INO80C: variants seen among roughly 807,000 people sequenced by gnomAD.
The protein encoded by INO80C is INO80 complex subunit C.
In INO80C, 17 loss-of-function variants were observed where a neutral mutation model predicts 17.7. The observed-to-expected ratio is 0.96, with a 90% CI of 0.66 to 1.44. The LOEUF is 1.44. Ranked by LOEUF, INO80C falls within the 40% of genes most tolerant of loss-of-function variation. The pLI, the probability that INO80C is intolerant of heterozygous loss-of-function variation, is 0.00. For missense variants in INO80C, 244 were observed against 245.0 expected, an observed-to-expected ratio of 1.00 and a Z score of 0.03; for synonymous variants, 96 against 95.8, an observed-to-expected ratio of 1.00 and a Z score of -0.01.
chr18:35,475,121 A>C (rs2045719726), intron 4 of INO80C, among the ~76,000 whole-genome samples: 1 of 132,518 alleles, frequency 7.5e-6, no homozygotes, highest in Admixed American at 8.0e-5. Flanking sequence ...TAATACCCTG[A>C]GTCATATTCA....
chr18:35,474,156 T>C (rs960456320), intron 4 of INO80C, among the ~76,000 whole-genome samples: 1 of 120,200 alleles, frequency 8.3e-6, no homozygotes, highest in African/African-American at 3.1e-5. Flanking sequence ...GGACTTAAAA[T>C]ATACATATAT....
chr18:35,479,471 T>A (rs2045779026), intron 2 of INO80C, 60 bp from the exon 3 acceptor site: 1 of 1,026,856 alleles, frequency 9.7e-7, no homozygotes, highest in Non-Finnish European at 1.5e-6. Flanking sequence ...CATTTCGACA[T>A]CTGACATTTA....
chr18:35,471,871 T>C (rs954559279), intron 4 of INO80C, among the ~76,000 whole-genome samples: 10 of 152,068 alleles, frequency 6.6e-5, no homozygotes, highest in African/African-American at 9.7e-5. Context: ...TTTGTCCTTG[T>C]GATAGTTTGC....
At chr18:35,473,124 C>T (rs2045690432) in intron 4 of INO80C, among the ~76,000 whole-genome samples, 1 of 152,192 alleles carries the variant, frequency 6.6e-6, no homozygotes, top group Non-Finnish European at 1.5e-5. Context: ...AGCTGACATT[C>T]TGAGGAACCA....
In INO80C at chr18:35,484,950, G is replaced by A. The variant is rs189865928; in HGVS notation, c.157-4387C>T. Among the ~76,000 whole-genome samples the A allele has an allele frequency of 3.9e-4, 60 of 152,306 alleles. 1 individual carries two copies. The Middle Eastern group carries it at 0.01, about 26-fold the overall frequency. ...ATACCATAGATTGGGTGGCTTATAT[G>A]ATAGAAATTTATTTTCTCCAGTTCT... On this transcript the variant is annotated intron_variant, in intron 1 of 4. Transcript: ENST00000334598.
intron 4 of INO80C, among the ~76,000 whole-genome samples, chr18:35,475,747 T>C (rs1175204720): frequency 6.6e-6 from 1 of 151,746 alleles, no homozygotes; most frequent in Non-Finnish European, 1.5e-5. Flanking sequence ...TAGTAGCAAA[T>C]CTACTTTATA....
At chr18:35,490,688 C>T (rs758968340) in intron 1 of INO80C, among the ~76,000 whole-genome samples, 7 of 152,186 alleles carry the variant, frequency 4.6e-5, no homozygotes, top group Non-Finnish European at 1.0e-4. Context: ...AGGGTCCTAT[C>T]CTCAGGCAGT....
At chr18:35,470,363 G>A (rs1010047296) in intron 4 of INO80C, among the ~76,000 whole-genome samples, 2 of 132,458 alleles carry the variant, frequency 1.5e-5, no homozygotes, top group East Asian at 4.9e-4. Flanking sequence ...ATAAAACTTC[G>A]ATCCCTTGGC....
At position 35,476,762 on chromosome 18, in the gene INO80C, A is replaced by AG. The variant is rs145565768; in HGVS notation, c.447+1519dup. Among the ~76,000 whole-genome samples the AG allele has an allele frequency of 5.2e-3, 785 of 152,272 alleles. 4 individuals are homozygous for AG. The highest frequency in any genetic ancestry group is 0.018 in the African/African-American group (765 of 41,542). On this transcript the variant is annotated intron_variant, in intron 4 of 4. Transcript: ENST00000334598. ...ACGTCTTTAATCCCAGCACTTTGAG[A>AG]GGCTGATGTTGGGAGATCACTTGAG...
Position 35,478,354 on chromosome 18 carries a change from G to GAAAA in INO80C, c.380-9_380-6dup, listed in dbSNP as rs369208692. 3.0e-5 allele frequency: 38 copies of GAAAA among 1,279,604 alleles called. No individual in the cohort carries two copies. The highest frequency in any genetic ancestry group is 1.3e-4 in the South Asian group (9 of 67,952). The allele number at this position is 1,279,604 out of a possible 1,614,324, so 79.3% of individuals were successfully genotyped here. On this transcript the variant is annotated splice_region_variant and splice_polypyrimidine_tract_variant and intron_variant, in intron 3 of 4. Transcript: ENST00000334598. Reference sequence around the variant, plus strand: ...GAGGAGCATCAATACTGAAGTCTGGGAAAAAAAAAAAAAAAAGATAACTAA... The same window carrying GAAAA: ...GAGGAGCATCAATACTGAAGTCTGGGAAAAAAAAAAAAAAAAAAAAGATAACTAA...
rs146605872 is a variant in INO80C at position 35,480,466 on chromosome 18, T to A, written c.254A>T (p.Asp85Val). 6.2e-7 allele frequency: 1 copy of A among 1,611,858 alleles called. No individual in the cohort carries two copies. The highest frequency in any genetic ancestry group is 8.5e-7 in the Non-Finnish European group (1 of 1,177,966). The change falls in exon 2 of 5, where the codon GAT becomes GTT. Residue 85 changes from aspartate (D) to valine (V), a missense_variant. Transcript: ENST00000334598. ...TTCGATGCTTACCACAAAGTTGGGA[T>A]CCTTAAATGGCAAAGGTTTGGCAGC... ...EKAAKPLPFK[D>V]PNFVHSGHGG...
chr18:35,487,402 G>A, intron 1 of INO80C: 1 of 399,676 alleles, frequency 2.5e-6, no homozygotes, highest in Non-Finnish European at 4.9e-6. Flanking sequence ...ACGCGGCTGG[G>A]GAGGCCTCAC....
chr18:35,479,099 A>G, intron 3 of INO80C: 1 of 475,806 alleles, frequency 2.1e-6, no homozygotes, highest in South Asian at 3.4e-5. Flanking sequence ...CACATCCATG[A>G]CAACACAAAC....
chr18:35,494,284 G>A (rs2045958011), intron 1 of INO80C, among the ~76,000 whole-genome samples: 1 of 152,190 alleles, frequency 6.6e-6, no homozygotes, highest in Non-Finnish European at 1.5e-5. Flanking sequence ...CCCCTGGTGT[G>A]CACACAATTT....
At chr18:35,493,302 C>T (rs1019298252) in intron 1 of INO80C, among the ~76,000 whole-genome samples, 3 of 152,142 alleles carry the variant, frequency 2.0e-5, no homozygotes, top group African/African-American at 7.2e-5. Flanking sequence ...TTCCCCAACC[C>T]ACCAAAATTA....
At position 35,468,529 on chromosome 18, in the gene INO80C, C is replaced by T. The variant is rs1567975711; in HGVS notation, c.*82G>A. The T allele has an allele frequency of 6.3e-6, 10 of 1,593,634 alleles. No individual in the cohort carries two copies. Among genetic ancestry groups the T allele is most frequent in the African/African-American group, 5.4e-5 (4 of 74,222 alleles). On this transcript the variant is annotated 3_prime_UTR_variant, in exon 5 of 5. Coordinates refer to ENST00000334598, the MANE Select transcript of INO80C (RefSeq NM_194281.4). ...TGGCATTTTCAGATTGACAGCAGAA[C>T]GAGTTTGTTTCCGTGAAACAAAATC...
intron 1 of INO80C, among the ~76,000 whole-genome samples, chr18:35,486,494 A>C (rs2045875723): frequency 6.6e-6 from 1 of 152,216 alleles, no homozygotes; most frequent in African/African-American, 2.4e-5. Context: ...TACACTTTAA[A>C]AGGGTGAATT....
chr18:35,470,280 C>G (rs143601907), intron 4 of INO80C, among the ~76,000 whole-genome samples: 1,859 of 152,272 alleles, frequency 0.012, 14 homozygotes, highest in Middle Eastern at 0.051. Context: ...GGGAACCCCC[C>G]CTAAGTATTT....
Position 35,477,100 on chromosome 18 carries a change from C to A in INO80C, c.447+1182G>T, listed in dbSNP as rs1040866096. 2.0e-5 allele frequency among the ~76,000 whole-genome samples: 3 copies of A among 152,116 alleles called. No homozygotes were observed. In the East Asian group the frequency reaches 5.8e-4, roughly 29 times the overall value. ...CTCTACTAAAAATACAAAAATTAGC[C>A]AGGCATGGTGGCGTGTGCCTGTAGT... On this transcript the variant is annotated intron_variant, in intron 4 of 4. Coordinates refer to ENST00000334598, the MANE Select transcript of INO80C (RefSeq NM_194281.4).
Sources: allele counts gnomAD v4.1 joint callset (sites outside exome capture counted in the v4.1 genomes callset), GRCh38; gene constraint gnomAD v4.1.1; transcripts MANE v1.5; gene names NCBI Gene and HGNC (gene_info 2026-07-23, HGNC 2026-07-21).